SAXO2: variants seen among roughly 807,000 people sequenced by gnomAD.
SAXO2 encodes the protein stabilizer of axonemal microtubules 2.
A neutral mutation model predicts 18.7 loss-of-function variants in SAXO2; 17 were observed. The ratio of observed to expected loss-of-function variants is 0.91; its 90% confidence interval spans 0.62 to 1.36. SAXO2 has a LOEUF of 1.36. Among genes scored for constraint, SAXO2 ranks in the 40% most tolerant of loss-of-function variants. SAXO2 has a pLI of 0.00. For synonymous variants in SAXO2, 163 were observed against 181.2 expected (o/e 0.90, Z 0.81); for missense variants, 486 against 562.6 (o/e 0.86, Z 1.38).
intron 2 of SAXO2, 92 bp from the exon 3 acceptor site, chr15:82,271,511 A>C (rs2075270394): frequency 6.8e-6 from 7 of 1,033,928 alleles, no homozygotes; most frequent in Non-Finnish European, 9.6e-6. Flanking sequence ...CCAGTAAAAA[A>C]GAAAAAAAAG....
chr15:82,268,805 G>C (rs2075243493), intron 2 of SAXO2, among the ~76,000 whole-genome samples: 1 of 152,234 alleles, frequency 6.6e-6, no homozygotes, highest in African/African-American at 2.4e-5. Flanking sequence ...GGATATATCA[G>C]ATGAATAAGA....
Position 82,262,863 on chromosome 15 carries a change from G to A in SAXO2, c.-17G>A. ...GAGTGGAGAAGCTGCAAGTGCTGAG[G>A]CGCGGTGGAGGAAAGCATGGGAGCC... On this transcript the variant is annotated 5_prime_UTR_variant, in exon 1 of 4. Coordinates refer to ENST00000682753, the MANE Select transcript of SAXO2 (RefSeq NM_001348699.2). 1 of 1,581,606 alleles carries A rather than the reference G, an allele frequency of 6.3e-7. No homozygotes were observed. Among genetic ancestry groups the A allele is most frequent in the Middle Eastern group, 1.7e-4 (1 of 6,030 alleles).
rs1452163504 is a variant in SAXO2 at position 82,282,269 on chromosome 15, C to T, written c.584C>T (p.Ser195Phe). 2.8e-5 allele frequency: 45 copies of T among 1,614,024 alleles called. No homozygotes were observed. The highest frequency in any genetic ancestry group is 3.5e-5 in the Non-Finnish European group (41 of 1,180,026). Reference protein sequence around the residue: ...EIKPRQSFKPSSVVKRSTAPF... With the variant: ...EIKPRQSFKPFSVVKRSTAPF... ...AAGCCTAGGCAAAGCTTTAAACCCT[C>T]CTCTGTGGTCAAACGTTCTACAGCC... The change falls in exon 4 of 4, where the codon TCC becomes TTC. Residue 195 changes from serine (S) to phenylalanine (F), a missense_variant. Ser to Phe is a radical substitution (Grantham distance 155). Transcript: ENST00000682753.
At position 82,271,664 on chromosome 15, in the gene SAXO2, C is replaced by G; in HGVS notation, c.295C>G (p.Pro99Ala). Residue 99 changes from proline (P) to alanine (A), a missense_variant, in exon 3 of 4, where the codon CCA (proline) becomes GCA (alanine). Coordinates refer to ENST00000682753, the MANE Select transcript of SAXO2 (RefSeq NM_001348699.2). ...QPRHVPEEYK[P>A]KQGKIDLGTT... ...TCGCCATGTGCCAGAAGAATATAAA[C>G]CAAAACAAGGGAAGATTGATCTTGG... is the stretch of plus-strand genomic sequence containing the variant. 6.2e-7 allele frequency: 1 copy of G among 1,613,956 alleles called. No homozygotes were observed. The highest frequency in any genetic ancestry group is 8.5e-7 in the Non-Finnish European group (1 of 1,179,904).
chr15:82,279,417 T>G (rs1197094132), intron 3 of SAXO2, among the ~76,000 whole-genome samples: 2 of 152,174 alleles, frequency 1.3e-5, no homozygotes, highest in African/African-American at 4.8e-5. Context: ...GATGCCAAAT[T>G]CATAATAGAA....
At chr15:82,271,512 G>GAAA in intron 2 of SAXO2, 91 bp from the exon 3 acceptor site, 1 of 1,100,362 alleles carries the variant, frequency 9.1e-7, no homozygotes, top group Non-Finnish European at 1.3e-6. Context: ...CAGTAAAAAA[G>GAAA]AAAAAAAAGC....
intron 2 of SAXO2, among the ~76,000 whole-genome samples, chr15:82,266,316 A>G (rs2075218024): frequency 2.0e-5 from 3 of 152,208 alleles, no homozygotes; most frequent in Non-Finnish European, 1.5e-5. Flanking sequence ...AATCTACTCT[A>G]GTTTTTGCAG....
Position 82,282,242 on chromosome 15 carries a change from T to C in SAXO2, c.557T>C (p.Ile186Thr). 1 of 1,614,216 alleles carries C rather than the reference T, an allele frequency of 6.2e-7. No individual in the cohort carries two copies. The change falls in exon 4 of 4, where the codon ATA becomes ACA. Residue 186 changes from isoleucine (I) to threonine (T), a missense_variant. Transcript: ENST00000682753. ...TFQDDFVPQEIKPRQSFKPSS... is the reference protein window; with the variant it reads ...TFQDDFVPQETKPRQSFKPSS... The stretch of plus-strand genomic sequence containing the variant: ...CAGGATGATTTTGTTCCTCAGGAGA[T>C]AAAGCCTAGGCAAAGCTTTAAACCC...
chr15:82,277,701 C>A (rs1364045670), intron 3 of SAXO2, among the ~76,000 whole-genome samples: 1 of 152,176 alleles, frequency 6.6e-6, no homozygotes, highest in African/African-American at 2.4e-5. Context: ...TGAGGAGAAA[C>A]AACTTCCACC....
rs752745687 is a variant in SAXO2, at chr15:82,271,651, A to T, written c.282A>T (p.Pro94=). 6.8e-6 allele frequency: 11 copies of T among 1,613,920 alleles called. No individual in the cohort carries two copies. In the East Asian group the frequency reaches 2.5e-4, roughly 36 times the overall value. The change falls in exon 3 of 4, where the codon CCA becomes CCT. Residue 94 remains proline, a synonymous_variant. Transcript: ENST00000682753. ...YEIVKQPRHV[P]EEYKPKQGKI... The stretch of plus-strand genomic sequence containing the variant: ...TAGTTAAACAGCCTCGCCATGTGCC[A>T]GAAGAATATAAACCAAAACAAGGGA...
At chr15:82,270,196 G>A (rs1367383973) in intron 2 of SAXO2, among the ~76,000 whole-genome samples, 1 of 152,180 alleles carries the variant, frequency 6.6e-6, no homozygotes, top group Admixed American at 6.6e-5. Flanking sequence ...CCTCAGGAGT[G>A]AACAGTGGAT....
Position 82,282,367 on chromosome 15 carries a change from A to G in SAXO2, c.682A>G (p.Lys228Glu), listed in dbSNP as rs766599024. 1.9e-5 allele frequency: 31 copies of G among 1,614,056 alleles called. No individual in the cohort carries two copies. Among genetic ancestry groups the G allele is most frequent in the Non-Finnish European group, 2.5e-5 (29 of 1,180,040 alleles). ...GCTTGAACTCAAGTTTGAAAGGCCA[A>G]AAGAAGTTTACAAACCAACTGACCA... ...HQLELKFERP[K>E]EVYKPTDQRF... is the part of the protein sequence containing the mutation. The change falls in exon 4 of 4, where the codon AAA (lysine) becomes GAA (glutamate). Residue 228 changes from lysine (K) to glutamate (E), a missense_variant. Lys to Glu is a moderately conservative substitution (Grantham distance 56). Coordinates refer to ENST00000682753, the MANE Select transcript of SAXO2 (RefSeq NM_001348699.2).
At chr15:82,272,269 A>C (rs1340564886) in intron 3 of SAXO2, among the ~76,000 whole-genome samples, 1 of 152,208 alleles carries the variant, frequency 6.6e-6, no homozygotes. Context: ...GGAGAAGCAA[A>C]ATACTGCTTT....
chr15:82,278,142 G>A (rs1223319742), intron 3 of SAXO2, among the ~76,000 whole-genome samples: 4 of 152,192 alleles, frequency 2.6e-5, no homozygotes, highest in Admixed American at 2.6e-4. Flanking sequence ...ATTGCAACTT[G>A]ATGAAAGACA....
chr15:82,275,116 T>A (rs2075303148), intron 3 of SAXO2, among the ~76,000 whole-genome samples: 1 of 151,586 alleles, frequency 6.6e-6, no homozygotes, highest in African/African-American at 2.4e-5. Flanking sequence ...CAGAAGATCC[T>A]CAGAGAATAT....
chr15:82,275,642 G>C (rs1423057394), intron 3 of SAXO2, among the ~76,000 whole-genome samples: 1 of 152,110 alleles, frequency 6.6e-6, no homozygotes, highest in Non-Finnish European at 1.5e-5. Flanking sequence ...CAATAAATGT[G>C]ATTCACCACA....
At chr15:82,269,669 C>T (rs2075252988) in intron 2 of SAXO2, among the ~76,000 whole-genome samples, 1 of 152,128 alleles carries the variant, frequency 6.6e-6, no homozygotes, top group South Asian at 2.1e-4. Flanking sequence ...ATCAGATTTA[C>T]ATGAGAAAGA....
At chr15:82,263,093 C>G in intron 1 of SAXO2, 161 bp downstream of exon 1, 2 of 1,496,808 alleles carry the variant, frequency 1.3e-6, no homozygotes, top group Non-Finnish European at 1.8e-6. Context: ...CGCGAATACT[C>G]GCTCCTCACC....
chr15:82,264,993 C>T, intron 1 of SAXO2: 1 of 511,150 alleles, frequency 2.0e-6, no homozygotes, highest in Non-Finnish European at 3.5e-6. Flanking sequence ...GGGAAATTCC[C>T]TATTAGCTTT....
Sources: allele counts gnomAD v4.1 joint callset (sites outside exome capture counted in the v4.1 genomes callset), GRCh38; gene constraint gnomAD v4.1.1; transcripts MANE v1.5; gene names NCBI Gene and HGNC (gene_info 2026-07-23, HGNC 2026-07-21).